Variants in SLC4A7 observed in about 807,000 individuals in gnomAD.
SLC4A7 encodes solute carrier family 4 member 7.
In SLC4A7, 51 loss-of-function variants were observed where a neutral mutation model predicts 137.6. That is an observed-to-expected ratio of 0.37 (90% confidence interval 0.30 to 0.47). The LOEUF is 0.47. SLC4A7 is among the 20% of genes least tolerant of loss of function. The pLI, the probability that SLC4A7 is intolerant of heterozygous loss-of-function variation, is 1.00. For missense variants in SLC4A7, 1,247 were observed against 1,525.4 expected, an observed-to-expected ratio of 0.82 and a Z score of 3.04; for synonymous variants, 542 against 518.6, an observed-to-expected ratio of 1.05 and a Z score of -0.61.
intron 7 of SLC4A7, among the ~76,000 whole-genome samples, chr3:27,426,000 T>G (rs1195601842): frequency 1.3e-5 from 2 of 152,176 alleles, no homozygotes. Context: ...GGTAATCAAG[T>G]TCCAGAATTT....
intron 2 of SLC4A7, among the ~76,000 whole-genome samples, chr3:27,449,063 T>C (rs967848247): frequency 4.6e-5 from 7 of 151,900 alleles, no homozygotes; most frequent in Non-Finnish European, 1.0e-4. Flanking sequence ...TTTTGTTTTG[T>C]TTTTGTTTTT....
At chr3:27,438,016 G>A (rs1343822452) in intron 3 of SLC4A7, among the ~76,000 whole-genome samples, 2 of 152,132 alleles carry the variant, frequency 1.3e-5, no homozygotes, top group Non-Finnish European at 2.9e-5. Context: ...AGCCAACATG[G>A]TGAAACCCCG....
At chr3:27,408,954 C>A (rs2053647151) in intron 13 of SLC4A7, among the ~76,000 whole-genome samples, 1 of 152,174 alleles carries the variant, frequency 6.6e-6, no homozygotes, top group Non-Finnish European at 1.5e-5. Flanking sequence ...AATATTCATC[C>A]TGTGGCTCTA....
At position 27,431,427 on chromosome 3, in the gene SLC4A7, G is replaced by A. The variant is rs778231652; in HGVS notation, c.1021C>T (p.Pro341Ser). ...CTGGCAGGTGAAACCAGTAGTTCTGGGGCCTGACGCTGACTCTCTTGGGAA... is the reference window on the plus strand; with the variant it reads ...CTGGCAGGTGAAACCAGTAGTTCTGAGGCCTGACGCTGACTCTCTTGGGAA... ...RSSQESQRQA[P>S]ELLVSPASDD... The change falls in exon 7 of 26, where the codon CCA (proline) becomes TCA (serine). Residue 341 changes from proline to serine, a missense_variant. Pro to Ser is a moderately conservative substitution (Grantham distance 74). This residue lies in a region of SLC4A7 where 223 missense variants were observed against 203.6 expected (regional missense o/e 1.10). Transcript: ENST00000454389. 2.5e-6 allele frequency: 4 copies of A among 1,614,032 alleles called. No individual in the cohort carries two copies. The Admixed American group carries it at 5.0e-5, about 20-fold the overall frequency.
chr3:27,421,800 A>G, intron 8 of SLC4A7, 21 bp from the exon 9 acceptor site: 1 of 1,585,620 alleles, frequency 6.3e-7, no homozygotes, highest in Non-Finnish European at 8.6e-7. Context: ...ATAAATAATT[A>G]AAAATAAAGT....
At chr3:27,418,209 A>G (rs1377351017) in intron 11 of SLC4A7, among the ~76,000 whole-genome samples, 1 of 152,232 alleles carries the variant, frequency 6.6e-6, no homozygotes, top group African/African-American at 2.4e-5. Context: ...TTTATATGAA[A>G]AAAGCAAGGT....
chr3:27,445,690 G>A (rs957439823), intron 3 of SLC4A7, among the ~76,000 whole-genome samples: 5 of 149,232 alleles, frequency 3.4e-5, no homozygotes, highest in Admixed American at 6.8e-5. Context: ...GGCTGAGGCA[G>A]GCAGATCACT....
At chr3:27,386,146 C>T in intron 22 of SLC4A7, 123 bp from the exon 23 acceptor site, 1 of 620,198 alleles carries the variant, frequency 1.6e-6, no homozygotes, top group Non-Finnish European at 2.6e-6. Flanking sequence ...ATTATTCACA[C>T]ATCATTTTGT....
chr3:27,444,231 T>C (rs1291765103), intron 3 of SLC4A7, among the ~76,000 whole-genome samples: 1 of 152,214 alleles, frequency 6.6e-6, no homozygotes, highest in Non-Finnish European at 1.5e-5. Context: ...CCTGTTGTTA[T>C]ATGCATACAC....
chr3:27,475,580 T>C (rs1048815430), intron 1 of SLC4A7, among the ~76,000 whole-genome samples: 41 of 152,244 alleles, frequency 2.7e-4, no homozygotes, highest in African/African-American at 9.4e-4. Context: ...CTGAATAAAA[T>C]AGCTCAATAA....
chr3:27,420,976 A>T (rs543951374), intron 9 of SLC4A7, among the ~76,000 whole-genome samples, 189 bp from the exon 10 acceptor site: 1 of 152,072 alleles, frequency 6.6e-6, no homozygotes, highest in South Asian at 2.1e-4. Flanking sequence ...GAAAACTAGG[A>T]AAAGCAACCA....
At chr3:27,402,139 T>C (rs1487322817) in intron 15 of SLC4A7, among the ~76,000 whole-genome samples, 1 of 152,198 alleles carries the variant, frequency 6.6e-6, no homozygotes, top group Non-Finnish European at 1.5e-5. Context: ...GTAACCATAT[T>C]TTTCCCTGTA....
At chr3:27,458,915 G>T (rs892915509) in intron 1 of SLC4A7, among the ~76,000 whole-genome samples, 1 of 152,114 alleles carries the variant, frequency 6.6e-6, no homozygotes, top group African/African-American at 2.4e-5. Context: ...GCTGGAACCC[G>T]GGAGGTGGAG....
intron 1 of SLC4A7, among the ~76,000 whole-genome samples, chr3:27,452,850 G>T (rs2058167026): frequency 6.6e-6 from 1 of 152,176 alleles, no homozygotes; most frequent in Non-Finnish European, 1.5e-5. Flanking sequence ...ATGTCAACAT[G>T]TAATGCTTTC....
intron 1 of SLC4A7, among the ~76,000 whole-genome samples, chr3:27,468,763 C>T (rs2059115005): frequency 6.6e-6 from 1 of 151,934 alleles, no homozygotes; most frequent in South Asian, 2.1e-4. Context: ...CAAGATGTTG[C>T]ATGCAATGAA....
chr3:27,435,613 G>A (rs1248142056), intron 5 of SLC4A7, among the ~76,000 whole-genome samples: 1 of 152,208 alleles, frequency 6.6e-6, no homozygotes, highest in African/African-American at 2.4e-5. Flanking sequence ...GCCAAAGTGG[G>A]CAGGTTGTTT....
At position 27,403,165 on chromosome 3, in the gene SLC4A7, G is replaced by T. The variant is rs200043461; in HGVS notation, c.2295C>A (p.Asn765Lys). ...AGTAGCTGGTCAGTTTATCTAAGTT[G>T]TTGTGCATATTAAATGCATATGTTT... ...LGETYAFNMH[N>K]NLDKLTSYSC... Residue 765 changes from asparagine (N) to lysine (K), a missense_variant, in exon 15 of 26, where the codon AAC (asparagine) becomes AAA (lysine). Physicochemically the swap from Asn to Lys is moderately conservative, Grantham distance 94. Around this residue, in one of 6 missense-constraint regions of SLC4A7, gnomAD observed 499 missense variants for 664.2 expected, o/e 0.75. Coordinates refer to ENST00000454389, the MANE Select transcript of SLC4A7 (RefSeq NM_001321103.2). 5 of 1,612,224 alleles carry T rather than the reference G, an allele frequency of 3.1e-6. No homozygotes were observed. The highest frequency in any genetic ancestry group is 4.2e-6 in the Non-Finnish European group (5 of 1,179,394).
At chr3:27,412,317 A>G (rs2053978895) in intron 11 of SLC4A7, among the ~76,000 whole-genome samples, 1 of 152,228 alleles carries the variant, frequency 6.6e-6, no homozygotes, top group Non-Finnish European at 1.5e-5. Flanking sequence ...CAAAGAAATG[A>G]ACTTTTAACT....
chr3:27,446,048 C>T (rs2057601905), intron 3 of SLC4A7, among the ~76,000 whole-genome samples: 1 of 135,676 alleles, frequency 7.4e-6, no homozygotes, highest in African/African-American at 2.8e-5. Flanking sequence ...TCTCACTATA[C>T]ACAATAAAAG....
Sources: gnomAD v4.1 joint callset for allele counts (sites outside exome capture counted in the v4.1 genomes callset) on GRCh38, gnomAD v4.1.1 for gene constraint, gnomAD v4.1.1 regional missense constraint, MANE v1.5 for transcripts, NCBI Gene and HGNC (gene_info 2026-07-23, HGNC 2026-07-21) for gene names.